Variants in SNX30 observed in about 807,000 individuals in gnomAD.
SNX30 encodes sorting nexin-30.
Under a neutral mutation model 46.4 loss-of-function variants are expected in SNX30, and 24 were observed. The ratio of observed to expected loss-of-function variants is 0.52; its 90% CI spans 0.37 to 0.73. The LOEUF is 0.73. Among genes scored for constraint, SNX30 ranks in the 30% least tolerant of loss-of-function variants. The probability of loss-of-function intolerance (pLI) is 0.00; values close to 1 mark genes in which losing one functional copy is unlikely to be tolerated. For missense variants in SNX30, 533 were observed against 555.7 expected, an observed-to-expected ratio of 0.96 and a Z score of 0.41; for synonymous variants, 189 against 211.5, an observed-to-expected ratio of 0.89 and a Z score of 0.92.
At chr9:112,798,299 C>T (rs1255574578) in intron 1 of SNX30, among the ~76,000 whole-genome samples, 60 of 58,542 alleles carry the variant, frequency 1.0e-3, no homozygotes, top group African/African-American at 3.9e-3. Flanking sequence ...CCACCACAGT[C>T]CCCAGAGTGT....
At chr9:112,789,501 C>T (rs1303993495) in intron 1 of SNX30, among the ~76,000 whole-genome samples, 1 of 152,170 alleles carries the variant, frequency 6.6e-6, no homozygotes, top group East Asian at 1.9e-4. Flanking sequence ...AACACAGATG[C>T]TATATTCTGT....
At chr9:112,858,691 C>G (rs1433654961) in intron 7 of SNX30, among the ~76,000 whole-genome samples, 1 of 152,136 alleles carries the variant, frequency 6.6e-6, no homozygotes, top group Non-Finnish European at 1.5e-5. Context: ...AGACAGCTCA[C>G]CCCAGTTCCT....
downstream of SNX30, chr9:112,879,668 T>C: frequency 1.7e-6 from 2 of 1,172,088 alleles, no homozygotes; most frequent in Non-Finnish European, 2.5e-6. Context: ...TCTTAAGCAG[T>C]GGGTTGCTTA....
intron 1 of SNX30, among the ~76,000 whole-genome samples, chr9:112,789,716 A>G (rs987201579): frequency 3.9e-5 from 6 of 152,218 alleles, no homozygotes; most frequent in African/African-American, 4.8e-5. Context: ...AGAAAAATCT[A>G]TTAACAGACA....
intron 1 of SNX30, among the ~76,000 whole-genome samples, chr9:112,788,907 C>T (rs1442666052): frequency 4.6e-5 from 7 of 152,138 alleles, no homozygotes; most frequent in Non-Finnish European, 4.4e-5. Flanking sequence ...GTGATCCTCC[C>T]ACCTCAGCCT....
At chr9:112,750,626 T>TCCTCCCTC (rs1296594968), upstream of SNX30, among the ~76,000 whole-genome samples, 1 of 151,132 alleles carries the variant, frequency 6.6e-6, no homozygotes, top group South Asian at 2.1e-4. Context: ...GGGCCGCGCC[T>TCCTCCCTC]CCTCCCTCCC....
intron 6 of SNX30, among the ~76,000 whole-genome samples, chr9:112,845,998 C>T (rs1379311978): frequency 1.3e-5 from 2 of 151,844 alleles, no homozygotes; most frequent in Non-Finnish European, 2.9e-5. Context: ...GATATCACAG[C>T]CATAAAACAG....
intron 1 of SNX30, among the ~76,000 whole-genome samples, chr9:112,787,440 A>G (rs1839947653): frequency 6.6e-6 from 1 of 152,162 alleles, no homozygotes; most frequent in African/African-American, 2.4e-5. Context: ...CCCCATAGGT[A>G]GGGTATGGGT....
At chr9:112,849,386 T>G (rs977308378) in intron 6 of SNX30, among the ~76,000 whole-genome samples, 2 of 152,244 alleles carry the variant, frequency 1.3e-5, no homozygotes, top group African/African-American at 4.8e-5. Context: ...TCCCCAGTCC[T>G]GCTAGCTTTG....
chr9:112,865,178 C>T (rs546162402), intron 8 of SNX30, among the ~76,000 whole-genome samples: 3 of 143,818 alleles, frequency 2.1e-5, no homozygotes, highest in African/African-American at 5.2e-5. Flanking sequence ...CCCCCACACA[C>T]GACACCCACA....
intron 1 of SNX30, among the ~76,000 whole-genome samples, chr9:112,776,468 A>G (rs923132421): frequency 2.1e-4 from 32 of 152,192 alleles, no homozygotes; most frequent in African/African-American, 7.5e-4. Context: ...GCCAAGGACA[A>G]GAGCTGATTA....
Position 112,817,716 on chromosome 9 carries a change from G to A in SNX30, c.360G>A (p.Val120=), listed in dbSNP as rs779224924. 2.5e-6 allele frequency: 4 copies of A among 1,603,472 alleles called. No individual in the cohort carries two copies. Among genetic ancestry groups the A allele is most frequent in the Admixed American group, 3.3e-5 (2 of 59,968 alleles). ...TCTCTTCTTTGCAGAGTACTCGGGT[G>A]GAGTTTGACCTGCCAGAATATTCTG... is the stretch of plus-strand genomic sequence containing the variant. The part of the protein sequence containing the change: ...TYRITTKSTR[V]EFDLPEYSVR... Residue 120 remains valine, a synonymous_variant, in exon 3 of 9, where the codon GTG becomes GTA. Coordinates refer to ENST00000374232, the MANE Select transcript of SNX30 (RefSeq NM_001012994.2).
chr9:112,790,748 A>G (rs1183649107), intron 1 of SNX30, among the ~76,000 whole-genome samples: 1 of 152,230 alleles, frequency 6.6e-6, no homozygotes, highest in East Asian at 1.9e-4. Context: ...CTTTCCCAGA[A>G]CATTTAGTAA....
intron 1 of SNX30, among the ~76,000 whole-genome samples, chr9:112,792,144 C>T (rs188102927): frequency 1.4e-4 from 22 of 152,282 alleles, no homozygotes; most frequent in African/African-American, 5.1e-4. Flanking sequence ...GTAGGACTTA[C>T]TCTTTGAAGG....
chr9:112,865,348 G>T (rs1375483049), intron 8 of SNX30, among the ~76,000 whole-genome samples: 2 of 151,988 alleles, frequency 1.3e-5, no homozygotes, highest in African/African-American at 4.8e-5. Flanking sequence ...GCGAGGCCAG[G>T]TGCAGTGGCT....
At chr9:112,757,801 A>G (rs778836629) in intron 1 of SNX30, among the ~76,000 whole-genome samples, 8 of 152,126 alleles carry the variant, frequency 5.3e-5, no homozygotes, top group Middle Eastern at 3.4e-3. Flanking sequence ...CTCTATATTC[A>G]GTTCCCTTGC....
chr9:112,868,780 C>T lies in SNX30; in HGVS notation c.1255-4C>T. The T allele has an allele frequency of 6.2e-7, 1 of 1,614,012 alleles. No homozygotes were observed. The stretch of plus-strand genomic sequence containing the variant: ...GATACTGTGTGTGTATGTTGTCGTT[C>T]CAGTGCCTCATGGCGTGGGAGTCGA... On this transcript the variant is annotated splice_region_variant and splice_polypyrimidine_tract_variant and intron_variant, in intron 8 of 8. Coordinates refer to ENST00000374232, the MANE Select transcript of SNX30 (RefSeq NM_001012994.2).
intron 3 of SNX30, among the ~76,000 whole-genome samples, chr9:112,829,113 C>T (rs1180065707): frequency 6.6e-6 from 1 of 152,138 alleles, no homozygotes; most frequent in East Asian, 1.9e-4. Flanking sequence ...ACTATTAGTC[C>T]ATTGCATGGA....
chr9:112,850,987 C>T lies in SNX30; in HGVS notation c.1101+42C>T, dbSNP rs114993597. On this transcript the variant is annotated intron_variant, in intron 7 of 8. Transcript: ENST00000374232. ...GGGAAGGGCTGCAAAGCTGTAGTCT[C>T]CCTGCTGGTGCTAAGTAAATTCTCA... 387 of 1,484,490 alleles carry T rather than the reference C, an allele frequency of 2.6e-4. 2 individuals are homozygous for T. The African/African-American group carries it at 4.7e-3, about 18-fold the overall frequency. 92.0% of individuals were successfully genotyped at this position (1,484,490 alleles called of 1,614,324 possible). A position where few individuals can be genotyped will look rare whatever the true frequency, so the allele number is the denominator to read the frequency against.
Sources: gnomAD v4.1 joint callset for allele counts (sites outside exome capture counted in the v4.1 genomes callset) on GRCh38, gnomAD v4.1.1 for gene constraint, MANE v1.5 for transcripts, NCBI Gene and HGNC (gene_info 2026-07-23, HGNC 2026-07-21) for gene names.